Variants in BUB1 observed in about 807,000 individuals in gnomAD.
The protein encoded by BUB1 is mitotic checkpoint serine/threonine-protein kinase BUB1.
BUB1 carries 84 observed loss-of-function variants against 135.2 expected under a neutral mutation model. That is an observed-to-expected ratio of 0.62 (90% CI 0.52 to 0.74). BUB1 has a LOEUF of 0.74. Among genes scored for constraint, BUB1 ranks in the 30% least tolerant of loss-of-function variants. BUB1 has a pLI of 0.00. For synonymous variants in BUB1, 403 were observed against 434.4 expected (o/e 0.93, Z 0.90); for missense variants, 1,162 against 1,288.3 (o/e 0.90, Z 1.50).
intron 9 of BUB1, among the ~76,000 whole-genome samples, chr2:110,663,552 T>C (rs1039360741): frequency 6.6e-6 from 1 of 152,200 alleles, no homozygotes; most frequent in African/African-American, 2.4e-5. Flanking sequence ...TGGCTTGATA[T>C]ACTCCAAAAA....
chr2:110,642,289 T>C (rs553324831), intron 19 of BUB1, 55 bp from the exon 20 acceptor site: 10 of 1,237,680 alleles, frequency 8.1e-6, no homozygotes, highest in South Asian at 6.9e-5. Flanking sequence ...TTAAATAGTT[T>C]TCAATTTACA....
At chr2:110,669,398 C>G (rs1690355501) in intron 6 of BUB1, 55 bp downstream of exon 6, 1 of 1,219,622 alleles carries the variant, frequency 8.2e-7, no homozygotes, top group South Asian at 1.2e-5. Flanking sequence ...GGCAGCCAGG[C>G]TGGCCATTCA....
intron 5 of BUB1, 89 bp from the exon 6 acceptor site, chr2:110,669,642 A>G: frequency 6.4e-6 from 5 of 780,456 alleles, no homozygotes; most frequent in Non-Finnish European, 8.4e-6. Context: ...TGATCCTTCC[A>G]GTAGGAATCA....
In BUB1 at chr2:110,672,871, A is replaced by T; in HGVS notation, c.226-14T>A. On this transcript the variant is annotated splice_polypyrimidine_tract_variant and intron_variant, in intron 3 of 24. Coordinates refer to ENST00000302759, the MANE Select transcript of BUB1 (RefSeq NM_004336.5). ...GTTGTACTCAGCCTACACGAACCCAAAACAAAAAGACATAAGAATAATGGA... is the reference window on the plus strand; with the variant it reads ...GTTGTACTCAGCCTACACGAACCCATAACAAAAAGACATAAGAATAATGGA... 3.8e-6 allele frequency: 6 copies of T among 1,558,788 alleles called. No individual in the cohort carries two copies. Among genetic ancestry groups the T allele is most frequent in the Non-Finnish European group, 4.3e-6 (5 of 1,154,104 alleles).
intron 15 of BUB1, 37 bp from the exon 16 acceptor site, chr2:110,655,953 C>T: frequency 6.3e-7 from 1 of 1,591,018 alleles, no homozygotes; most frequent in East Asian, 2.2e-5. Flanking sequence ...AAGCAGCAAT[C>T]TCCCTCTTTA....
intron 10 of BUB1, among the ~76,000 whole-genome samples, chr2:110,660,648 T>G (rs1690058693): frequency 6.6e-6 from 1 of 152,172 alleles, no homozygotes; most frequent in Admixed American, 6.5e-5. Context: ...CATCTCTATA[T>G]GTGGTAGAGT....
Position 110,674,226 on chromosome 2 carries a change from T to C in BUB1, c.87-2A>G. ...TTCTCTTCTACCCACTGTATGTATC[T>C]AGAAAAATATGGATAATGTTAATTT... is the stretch of plus-strand genomic sequence containing the variant. On this transcript the variant is annotated splice_acceptor_variant, in intron 2 of 24. Coordinates refer to ENST00000302759, the MANE Select transcript of BUB1 (RefSeq NM_004336.5). LOFTEE classifies it high-confidence loss of function. The C allele has an allele frequency of 6.2e-7, 1 of 1,610,440 alleles. No individual in the cohort carries two copies. Among genetic ancestry groups the C allele is most frequent in the Non-Finnish European group, 8.5e-7 (1 of 1,177,058 alleles).
chr2:110,677,153 A>G (rs1362511089), intron 1 of BUB1, among the ~76,000 whole-genome samples: 2 of 152,220 alleles, frequency 1.3e-5, no homozygotes, highest in Non-Finnish European at 2.9e-5. Flanking sequence ...TCAAAACAGG[A>G]CCAGGAATAT....
intron 19 of BUB1, among the ~76,000 whole-genome samples, chr2:110,647,528 T>C (rs1179682298): frequency 2.0e-5 from 3 of 151,782 alleles, no homozygotes; most frequent in African/African-American, 7.3e-5. Context: ...AGGAGCACGA[T>C]AAATAAAATC....
In BUB1 at chr2:110,641,746, G is replaced by T; in HGVS notation, c.2521C>A (p.Leu841Ile). The change falls in exon 21 of 25, where the codon CTA (leucine) becomes ATA (isoleucine). Residue 841 changes from leucine to isoleucine, a missense_variant. Coordinates refer to ENST00000302759, the MANE Select transcript of BUB1 (RefSeq NM_004336.5). ...AACATGTGCTGCATAGATGGCTTTAGTCTTTCCATCAACTGGGTCCCAATG... is the reference window on the plus strand; with the variant it reads ...AACATGTGCTGCATAGATGGCTTTATTCTTTCCATCAACTGGGTCCCAATG... Reference protein sequence around the residue: ...FYIGTQLMERLKPSMQHMFMK... With the variant: ...FYIGTQLMERIKPSMQHMFMK... 1 of 1,611,182 alleles carries T rather than the reference G, an allele frequency of 6.2e-7. No individual in the cohort carries two copies.
chr2:110,650,769 T>C lies in BUB1; in HGVS notation c.1980A>G (p.Lys660=), dbSNP rs764693050. The C allele has an allele frequency of 8.1e-6, 13 of 1,613,840 alleles. No individual in the cohort carries two copies. Among genetic ancestry groups the C allele is most frequent in the Non-Finnish European group, 9.3e-6 (11 of 1,179,920 alleles). The change falls in exon 18 of 25, where the codon AAA becomes AAG. Residue 660 remains lysine, a synonymous_variant. Transcript: ENST00000302759. ...RDGKFSPIQE[K]SPKQALSSHM... ...GAGACGACAAGGCCTGTTTTGGGCT[T>C]TTCTCTTGAATTGGACTGGACGTGT... is the stretch of plus-strand genomic sequence containing the variant.
chr2:110,669,665 C>A, intron 5 of BUB1, 112 bp from the exon 6 acceptor site: 1 of 653,144 alleles, frequency 1.5e-6, no homozygotes, highest in Non-Finnish European at 2.6e-6. Context: ...AGAAGTAAAT[C>A]AACTCATTCA....
In BUB1 at chr2:110,642,249, G is replaced by T; in HGVS notation, c.2348-15C>A. 1 of 1,530,270 alleles carries T rather than the reference G, an allele frequency of 6.5e-7. No homozygotes were observed. Among genetic ancestry groups the T allele is most frequent in the South Asian group, 1.2e-5 (1 of 82,442 alleles). The allele number at this position is 1,530,270 out of a possible 1,614,324, so 94.8% of individuals were successfully genotyped here. A position where few individuals can be genotyped will look rare whatever the true frequency, so the allele number is the denominator to read the frequency against. On this transcript the variant is annotated splice_polypyrimidine_tract_variant and intron_variant, in intron 19 of 24. Transcript: ENST00000302759. Reference sequence around the variant, plus strand: ...CAGCTTAGAACCTTAGAAGATAATTGAAAATTTTAATTTATGTACGCCTTT... The same window carrying T: ...CAGCTTAGAACCTTAGAAGATAATTTAAAATTTTAATTTATGTACGCCTTT...
At chr2:110,638,717 G>C (rs1689423609) in intron 24 of BUB1, among the ~76,000 whole-genome samples, 1 of 152,216 alleles carries the variant, frequency 6.6e-6, no homozygotes, top group Non-Finnish European at 1.5e-5. Context: ...CCTGCTGAGG[G>C]TTAACTTCCA....
At chr2:110,652,329 T>C (rs543190466) in intron 17 of BUB1, among the ~76,000 whole-genome samples, 30 of 152,298 alleles carry the variant, frequency 2.0e-4, no homozygotes, top group African/African-American at 7.0e-4. Flanking sequence ...CGAGCTGTAC[T>C]TAGTGTCACA....
At chr2:110,661,438 G>A (rs953432136) in intron 10 of BUB1, 144 bp downstream of exon 10, 5 of 1,021,882 alleles carry the variant, frequency 4.9e-6, no homozygotes, top group Non-Finnish European at 2.8e-6. Context: ...TTTGCCACTT[G>A]CTTTTTCAAC....
At chr2:110,644,622 T>G (rs1689596543) in intron 19 of BUB1, among the ~76,000 whole-genome samples, 1 of 152,044 alleles carries the variant, frequency 6.6e-6, no homozygotes, top group Non-Finnish European at 1.5e-5. Context: ...CATATCATAT[T>G]CAAACTGCAG....
chr2:110,645,583 GTA>G lies in BUB1; in HGVS notation c.2348-3351_2348-3350del, dbSNP rs1553515206. Among the ~76,000 whole-genome samples the G allele has an allele frequency of 4.1e-3, 596 of 145,874 alleles. 7 individuals are homozygous for G. The highest frequency in any genetic ancestry group is 0.015 in the African/African-American group (548 of 36,286). On this transcript the variant is annotated intron_variant, in intron 19 of 24. Coordinates refer to ENST00000302759, the MANE Select transcript of BUB1 (RefSeq NM_004336.5). ...ATCAGCATAGAAAATGGCGTTACGT[GTA>G]TGTGTGTGTGTGTGTGTGTGTGTGT...
chr2:110,641,496 A>C, intron 21 of BUB1, 32 bp from the exon 22 acceptor site: 1 of 1,584,332 alleles, frequency 6.3e-7, no homozygotes, highest in Non-Finnish European at 8.6e-7. Context: ...ATCCTGAGTT[A>C]GTTGCACAAG....
Sources: gnomAD v4.1 joint callset for allele counts (sites outside exome capture counted in the v4.1 genomes callset) on GRCh38, gnomAD v4.1.1 for gene constraint, MANE v1.5 for transcripts, NCBI Gene and HGNC (gene_info 2026-07-23, HGNC 2026-07-21) for gene names.